ITGB3BP: variants seen among roughly 807,000 people sequenced by gnomAD.
ITGB3BP encodes the protein integrin subunit beta 3 binding protein.
ITGB3BP carries 27 observed loss-of-function variants against 29.1 expected under a neutral mutation model. The ratio of observed to expected loss-of-function variants is 0.93; its 90% confidence interval spans 0.68 to 1.28. The LOEUF (loss-of-function observed/expected upper bound fraction) is 1.28. ITGB3BP is among the 50% of genes most tolerant of loss of function. ITGB3BP has a pLI of 0.00. For missense variants in ITGB3BP, 192 were observed against 200.2 expected (o/e 0.96, Z 0.25); for synonymous variants, 61 against 61.4 (o/e 0.99, Z 0.03).
intron 3 of ITGB3BP, among the ~76,000 whole-genome samples, chr1:63,488,287 G>A (rs947093206): frequency 6.6e-6 from 1 of 151,982 alleles, no homozygotes; most frequent in Admixed American, 6.6e-5. Context: ...GGTAAGAGTG[G>A]CTAAAGTAGT....
intron 4 of ITGB3BP, among the ~76,000 whole-genome samples, chr1:63,461,453 A>G (rs551468608): frequency 5.3e-5 from 8 of 152,288 alleles, no homozygotes; most frequent in Non-Finnish European, 1.2e-4. Context: ...TTTGAAACAC[A>G]AAAGCTTTTA....
intron 3 of ITGB3BP, among the ~76,000 whole-genome samples, chr1:63,486,694 G>C (rs1426805189): frequency 6.6e-6 from 1 of 151,882 alleles, no homozygotes; most frequent in African/African-American, 2.4e-5. Context: ...ATTTTTCTCT[G>C]CTCATTGGGA....
At chr1:63,519,277 C>T (rs1646398848) in intron 1 of ITGB3BP, among the ~76,000 whole-genome samples, 1 of 152,058 alleles carries the variant, frequency 6.6e-6, no homozygotes, top group South Asian at 2.1e-4. Context: ...GGTAAATCAT[C>T]TAACCCAAAA....
intron 2 of ITGB3BP, among the ~76,000 whole-genome samples, chr1:63,500,954 T>A (rs907700724): frequency 2.6e-5 from 4 of 152,182 alleles, no homozygotes; most frequent in African/African-American, 9.7e-5. Flanking sequence ...CATAAACACA[T>A]ATATATAGAT....
intron 7 of ITGB3BP, chr1:63,452,026 T>G (rs1191733191): frequency 6.6e-6 from 1 of 152,126 alleles, no homozygotes; most frequent in East Asian, 1.9e-4. Flanking sequence ...AACTCGGTCC[T>G]TTGGGAAAAT....
intron 4 of ITGB3BP, among the ~76,000 whole-genome samples, chr1:63,478,089 T>A (rs1013391085): frequency 6.6e-6 from 1 of 152,240 alleles, no homozygotes; most frequent in Non-Finnish European, 1.5e-5. Context: ...AAATGCTATA[T>A]AAATAGTTGT....
At chr1:63,482,983 ATACCTT>A (rs1457542618) in intron 3 of ITGB3BP, among the ~76,000 whole-genome samples, 3 of 152,172 alleles carry the variant, frequency 2.0e-5, no homozygotes, top group African/African-American at 7.2e-5. Flanking sequence ...CAAAATGAAA[ATACCTT>A]TATTAAGTCC....
intron 1 of ITGB3BP, among the ~76,000 whole-genome samples, chr1:63,512,710 G>T (rs542537736): frequency 6.6e-6 from 1 of 152,098 alleles, no homozygotes; most frequent in Non-Finnish European, 1.5e-5. Flanking sequence ...AAATTTCTGA[G>T]TGGAAGATAA....
At chr1:63,453,605 GCTC>G (rs775881607) in intron 7 of ITGB3BP, 357 of 223,924 alleles carry the variant, frequency 1.6e-3, no homozygotes, top group Admixed American at 3.9e-3. Context: ...ATGCATTGTT[GCTC>G]CTATTTGTAT....
Position 63,494,146 on chromosome 1 carries a change from C to CT in ITGB3BP, c.49-3929dup, listed in dbSNP as rs946509037. Among the ~76,000 whole-genome samples the CT allele has an allele frequency of 2.1e-3, 313 of 147,634 alleles. 1 individual carries two copies. The highest frequency in any genetic ancestry group is 2.8e-3 in the African/African-American group (114 of 40,498). On this transcript the variant is annotated intron_variant, in intron 2 of 8. Coordinates refer to ENST00000271002, the MANE Select transcript of ITGB3BP (RefSeq NM_014288.5). ...GTACTAGATACCAACCAACAACCTT[C>CT]TTTTTTTTTTTGACACAGAGTCTTG...
chr1:63,462,182 C>T (rs1017960359), intron 4 of ITGB3BP, among the ~76,000 whole-genome samples: 1 of 152,116 alleles, frequency 6.6e-6, no homozygotes, highest in African/African-American at 2.4e-5. Context: ...TTCTAGTGTA[C>T]AAGTTTTTTA....
intron 2 of ITGB3BP, among the ~76,000 whole-genome samples, chr1:63,507,385 T>G (rs974625841): frequency 2.0e-5 from 3 of 152,210 alleles, no homozygotes; most frequent in Non-Finnish European, 2.9e-5. Flanking sequence ...AAAGAAGGCC[T>G]GCCATGATGA....
chr1:63,500,368 ACT>A (rs1645896708), intron 2 of ITGB3BP, among the ~76,000 whole-genome samples: 1 of 151,772 alleles, frequency 6.6e-6, no homozygotes, highest in Admixed American at 6.6e-5. Flanking sequence ...AAAGAGCAAG[ACT>A]CTGTCTCAAA....
intron 4 of ITGB3BP, among the ~76,000 whole-genome samples, chr1:63,473,245 C>T (rs2100592788): frequency 6.6e-6 from 1 of 151,638 alleles, no homozygotes; most frequent in African/African-American, 2.4e-5. Context: ...CTGGCAACCG[C>T]CCCGTCTGAG....
In ITGB3BP at chr1:63,454,470, A is replaced by G; in HGVS notation, c.337T>C (p.Leu113=). 1 of 1,564,534 alleles carries G rather than the reference A, an allele frequency of 6.4e-7. No homozygotes were observed. Among genetic ancestry groups the G allele is most frequent in the South Asian group, 1.1e-5 (1 of 87,442 alleles). The change falls in exon 6 of 9, where the codon TTG becomes CTG. Residue 113 remains leucine (L), a synonymous_variant. Coordinates refer to ENST00000271002, the MANE Select transcript of ITGB3BP (RefSeq NM_014288.5). The surrounding 1 kb of genome is among the most constrained non-coding windows in gnomAD (Gnocchi z 4.1). Reference sequence around the variant, plus strand: ...TTTTCAAGCTCTCTACTGCCCTCCAAAGCCTACAAGAAAGTCATCTTGAAT... The same window carrying G: ...TTTTCAAGCTCTCTACTGCCCTCCAGAGCCTACAAGAAAGTCATCTTGAAT... The part of the protein sequence containing the change: ...IMQNLSSIQA[L]EGSRELENLI...
chr1:63,508,529 T>C lies in ITGB3BP; in HGVS notation c.47A>G (p.Asn16Ser). Residue 16 changes from asparagine (N) to serine (S), a missense_variant and splice_region_variant, in exon 2 of 9, where the codon AAT (asparagine) becomes AGT (serine). Asn to Ser is a conservative substitution (Grantham distance 46, BLOSUM62 1). Transcript: ENST00000271002. ...SLKLDGLLEE[N>S]SFDPSKITRK... Reference sequence around the variant, plus strand: ...ACAAACTTTTAAGCAAATACTTACATTTTCTTCTAACAGACCATCCAACTT... The same window carrying C: ...ACAAACTTTTAAGCAAATACTTACACTTTCTTCTAACAGACCATCCAACTT... 1.4e-6 allele frequency: 2 copies of C among 1,413,170 alleles called. No individual in the cohort carries two copies. The highest frequency in any genetic ancestry group is 1.4e-5 in the South Asian group (1 of 73,660). The allele number at this position is 1,413,170 out of a possible 1,614,324, so 87.5% of individuals were successfully genotyped here.
At chr1:63,473,621 G>T (rs1645259691) in intron 4 of ITGB3BP, among the ~76,000 whole-genome samples, 2 of 135,312 alleles carry the variant, frequency 1.5e-5, no homozygotes, top group Admixed American at 6.9e-5. Context: ...AGGGAGGTGG[G>T]GGGGTCAGCC....
At chr1:63,465,613 C>T (rs1195095997) in intron 4 of ITGB3BP, among the ~76,000 whole-genome samples, 12 of 151,912 alleles carry the variant, frequency 7.9e-5, no homozygotes, top group Non-Finnish European at 1.8e-4. Flanking sequence ...CAGGCTTGAA[C>T]TCCTGAACTC....
intron 1 of ITGB3BP, among the ~76,000 whole-genome samples, chr1:63,513,448 T>C (rs562394109): frequency 1.6e-4 from 24 of 152,210 alleles, no homozygotes; most frequent in Non-Finnish European, 2.8e-4. Context: ...CTTTCCAGCA[T>C]ACACAAAAAG....
Sources: allele counts gnomAD v4.1 joint callset (sites outside exome capture counted in the v4.1 genomes callset), GRCh38; gene constraint gnomAD v4.1.1; non-coding constraint Gnocchi (gnomAD v3.1); transcripts MANE v1.5; gene names NCBI Gene and HGNC (gene_info 2026-07-23, HGNC 2026-07-21).